Variants in ASTN2 observed in about 807,000 individuals in gnomAD.
The protein encoded by ASTN2 is astrotactin 2.
In ASTN2, 54 loss-of-function variants were observed where a neutral mutation model predicts 139.8. The observed-to-expected ratio is 0.39, with a 90% CI of 0.31 to 0.48. The LOEUF (loss-of-function observed/expected upper bound fraction) is 0.48, where lower values mean the gene tolerates loss of function less well. Ranked by LOEUF, ASTN2 falls within the 20% of genes least tolerant of loss-of-function variation. The probability of loss-of-function intolerance (pLI) is 0.95; values close to 1 mark genes in which losing one functional copy is unlikely to be tolerated. For synonymous variants in ASTN2, 756 were observed against 719.5 expected (o/e 1.05, Z -0.81); for missense variants, 1,565 against 1,725.1 (o/e 0.91, Z 1.64).
At chr9:116,800,048 T>C (rs1365182365) in intron 13 of ASTN2, among the ~76,000 whole-genome samples, 4 of 152,170 alleles carry the variant, frequency 2.6e-5, no homozygotes, top group Non-Finnish European at 5.9e-5. Context: ...CCATCCAGTC[T>C]CTCAAAACAA....
intron 16 of ASTN2, among the ~76,000 whole-genome samples, chr9:116,683,707 C>T (rs976939909): frequency 1.3e-5 from 2 of 152,120 alleles, no homozygotes; most frequent in Non-Finnish European, 2.9e-5. Flanking sequence ...GTAAAAAATA[C>T]TTCCATGAAA....
intron 1 of ASTN2, among the ~76,000 whole-genome samples, chr9:117,318,678 T>G (rs892627961): frequency 1.3e-5 from 2 of 152,122 alleles, no homozygotes; most frequent in African/African-American, 4.8e-5. Context: ...CCACCAAATA[T>G]GAAGCCAGAG....
chr9:116,870,197 A>G (rs1319701351), intron 10 of ASTN2, among the ~76,000 whole-genome samples: 1 of 152,150 alleles, frequency 6.6e-6, no homozygotes, highest in African/African-American at 2.4e-5. Flanking sequence ...TTTCTGTTTT[A>G]GGTGTGAAAA....
At chr9:117,336,526 G>GCCC (rs1470671384) in intron 1 of ASTN2, among the ~76,000 whole-genome samples, 1 of 152,100 alleles carries the variant, frequency 6.6e-6, no homozygotes, top group Non-Finnish European at 1.5e-5. Context: ...GCCCACCTCA[G>GCCC]CCCCCAAATC....
intron 19 of ASTN2, among the ~76,000 whole-genome samples, chr9:116,608,324 G>A (rs1855321778): frequency 1.3e-5 from 2 of 152,178 alleles, no homozygotes; most frequent in South Asian, 4.2e-4. Flanking sequence ...AGGGATTAGT[G>A]AGAACAATGC....
intron 4 of ASTN2, among the ~76,000 whole-genome samples, chr9:117,138,918 G>T (rs1830011760): frequency 6.6e-6 from 1 of 152,150 alleles, no homozygotes; most frequent in Non-Finnish European, 1.5e-5. Context: ...AATATTAGGA[G>T]CAGCCCAAAT....
At position 116,698,164 on chromosome 9, in the gene ASTN2, C is replaced by A. The variant is rs930137730; in HGVS notation, c.2806+27607G>T. The A allele has an allele frequency of 5.6e-6, 9 of 1,614,152 alleles. No individual in the cohort carries two copies. The highest frequency in any genetic ancestry group is 4.5e-5 in the East Asian group (2 of 44,860). ...CACTGTACACTCCCTGTCAAAGAAG[C>A]AGCTGAGGAGCGGCGTCGGGACTTT... On this transcript the variant is annotated intron_variant, in intron 16 of 22. Coordinates refer to ENST00000313400, the MANE Select transcript of ASTN2 (RefSeq NM_001365068.1). The surrounding 1 kb of genome is among the most constrained non-coding windows in gnomAD (Gnocchi z 4.4).
At chr9:116,718,142 G>A (rs1222787852) in intron 16 of ASTN2, among the ~76,000 whole-genome samples, 1 of 152,194 alleles carries the variant, frequency 6.6e-6, no homozygotes, top group African/African-American at 2.4e-5. Context: ...TCCTGACATA[G>A]CCTGAGGCTT....
At chr9:116,483,384 C>T (rs530547947) in intron 20 of ASTN2, among the ~76,000 whole-genome samples, 5 of 152,294 alleles carry the variant, frequency 3.3e-5, no homozygotes, top group African/African-American at 1.2e-4. Context: ...CCCTGTGGCA[C>T]TGTGTAAATT....
intron 3 of ASTN2, among the ~76,000 whole-genome samples, chr9:117,205,748 G>A (rs1015840614): frequency 4.6e-5 from 7 of 152,150 alleles, no homozygotes; most frequent in Admixed American, 1.3e-4. Context: ...CAAAAGTAGC[G>A]GTCGGTGTCT....
chr9:116,636,983 A>G (rs1308346727), intron 17 of ASTN2, among the ~76,000 whole-genome samples: 1 of 152,212 alleles, frequency 6.6e-6, no homozygotes, highest in Non-Finnish European at 1.5e-5. Flanking sequence ...TGTTAAGGAC[A>G]CAGTGTTCCT....
chr9:116,944,664 A>G (rs970143754), intron 10 of ASTN2, among the ~76,000 whole-genome samples: 2 of 140,400 alleles, frequency 1.4e-5, no homozygotes, highest in African/African-American at 5.4e-5. Flanking sequence ...CCTGGGCGAC[A>G]GAGTAAGACT....
chr9:116,679,448 A>T (rs1859703609), intron 16 of ASTN2, among the ~76,000 whole-genome samples: 1 of 152,128 alleles, frequency 6.6e-6, no homozygotes, highest in South Asian at 2.1e-4. Context: ...ATGTTCCGAA[A>T]TTATGTAAAA....
intron 13 of ASTN2, among the ~76,000 whole-genome samples, chr9:116,793,103 G>GA (rs59302253): frequency 2.0e-5 from 3 of 149,844 alleles, no homozygotes; most frequent in Admixed American, 6.6e-5. Context: ...TCTCAAAGTT[G>GA]AAAAAAAAAT....
intron 22 of ASTN2, among the ~76,000 whole-genome samples, chr9:116,438,889 G>T (rs1175573333): frequency 6.6e-6 from 1 of 152,148 alleles, no homozygotes; most frequent in Non-Finnish European, 1.5e-5. Context: ...GGCGGAGGTT[G>T]CAGTGAGCCA....
At chr9:116,731,746 GA>G (rs767837614) in intron 14 of ASTN2, among the ~76,000 whole-genome samples, 73 of 152,168 alleles carry the variant, frequency 4.8e-4, no homozygotes, top group Non-Finnish European at 1.2e-4. Flanking sequence ...TTTAGAGGAA[GA>G]AACTGAGGCT....
At chr9:116,854,300 G>C (rs1242647724) in intron 11 of ASTN2, among the ~76,000 whole-genome samples, 1 of 152,166 alleles carries the variant, frequency 6.6e-6, no homozygotes, top group Non-Finnish European at 1.5e-5. Flanking sequence ...TGCCTGCTTA[G>C]GGCCATGTTC....
At chr9:116,455,427 C>T (rs1848304858) in intron 20 of ASTN2, among the ~76,000 whole-genome samples, 1 of 151,476 alleles carries the variant, frequency 6.6e-6, no homozygotes, top group Non-Finnish European at 1.5e-5. Context: ...TTTTAAAACC[C>T]ATGTGACATT....
At chr9:116,811,169 A>C (rs1037555090) in intron 12 of ASTN2, among the ~76,000 whole-genome samples, 4 of 151,418 alleles carry the variant, frequency 2.6e-5, no homozygotes, top group African/African-American at 9.7e-5. Context: ...CTTTTATTTA[A>C]TTCCTTCCTG....
Sources: allele counts gnomAD v4.1 joint callset (sites outside exome capture counted in the v4.1 genomes callset), GRCh38; gene constraint gnomAD v4.1.1; non-coding constraint Gnocchi (gnomAD v3.1); transcripts MANE v1.5; gene names NCBI Gene and HGNC (gene_info 2026-07-23, HGNC 2026-07-21).